The following SNTG2 variants were observed in gnomAD, a reference collection of about 807,000 sequenced individuals.
The protein encoded by SNTG2 is syntrophin gamma 2, also known as gamma-2-syntrophin.
Under a neutral mutation model 70.9 loss-of-function variants are expected in SNTG2, and 74 were observed. The ratio of observed to expected loss-of-function variants is 1.04; its 90% confidence interval spans 0.86 to 1.27. The LOEUF (loss-of-function observed/expected upper bound fraction) is 1.27. SNTG2 is among the 50% of genes most tolerant of loss of function. SNTG2 has a pLI of 0.00. For synonymous variants in SNTG2, 278 were observed against 273.8 expected (o/e 1.02, Z -0.15); for missense variants, 717 against 690.7 (o/e 1.04, Z -0.43).
intron 4 of SNTG2, among the ~76,000 whole-genome samples, chr2:1,110,200 C>T (rs1220430445): frequency 1.3e-5 from 2 of 152,172 alleles, no homozygotes; most frequent in Non-Finnish European, 2.9e-5. Flanking sequence ...ATCCTGTCGT[C>T]GTCTAAAGTC....
At chr2:1,358,380 A>ATT (rs35158260) in intron 16 of SNTG2, among the ~76,000 whole-genome samples, 1,668 of 149,518 alleles carry the variant, frequency 0.011, 22 homozygotes, top group Non-Finnish European at 0.014. Context: ...TCCAATCTTT[A>ATT]TTTTTTTTTT....
chr2:1,061,135 A>G (rs11901776), intron 1 of SNTG2, among the ~76,000 whole-genome samples: 19,297 of 152,236 alleles, frequency 0.13, 1,552 homozygotes, highest in Middle Eastern at 0.2. Context: ...AAGGGTGAAA[A>G]GGTAAGAGAC....
chr2:1,144,247 T>C (rs1409066797), intron 6 of SNTG2, among the ~76,000 whole-genome samples: 1 of 151,886 alleles, frequency 6.6e-6, no homozygotes, highest in African/African-American at 2.4e-5. Context: ...GGTTGCTGAG[T>C]TGACAACGGA....
intron 8 of SNTG2, among the ~76,000 whole-genome samples, chr2:1,200,255 C>T (rs549809972): frequency 6.6e-6 from 1 of 151,820 alleles, no homozygotes; most frequent in African/African-American, 2.4e-5. Flanking sequence ...ATACCAAGAA[C>T]ATACATTGGT....
intron 2 of SNTG2, among the ~76,000 whole-genome samples, chr2:1,086,079 G>A (rs973833523): frequency 1.2e-4 from 18 of 152,190 alleles, no homozygotes; most frequent in African/African-American, 4.3e-4. Context: ...ACAGCAATGG[G>A]CACAGCTCTG....
At chr2:1,095,740 G>A (rs979454970) in intron 2 of SNTG2, among the ~76,000 whole-genome samples, 6 of 152,232 alleles carry the variant, frequency 3.9e-5, no homozygotes, top group Admixed American at 3.3e-4. Context: ...CTCTCGTCTT[G>A]TACTTGCTTG....
Position 1,137,630 on chromosome 2 carries a change from A to T in SNTG2, c.334A>T (p.Thr112Ser), listed in dbSNP as rs1448366837. The change falls in exon 5 of 17, where the codon ACA becomes TCA. Residue 112 changes from threonine to serine, a missense_variant. By Grantham distance (58) the Thr-to-Ser change is moderately conservative (BLOSUM62 1). Transcript: ENST00000308624. ...KIFEDQAADQ[T>S]GMLFVGDAVL... ...CTTTTGCCACCCTGCAGCTGACCAG[A>T]CAGGGATGTTGTTCGTAGGAGATGC... 1 of 1,613,122 alleles carries T rather than the reference A, an allele frequency of 6.2e-7. No individual in the cohort carries two copies. Among genetic ancestry groups the T allele is most frequent in the South Asian group, 1.1e-5 (1 of 90,800 alleles).
intron 1 of SNTG2, among the ~76,000 whole-genome samples, chr2:1,056,091 TC>T (rs1400859298): frequency 6.6e-6 from 1 of 151,830 alleles, no homozygotes; most frequent in Non-Finnish European, 1.5e-5. Context: ...AGGCGGCTCC[TC>T]TGGCTCCCAT....
intron 1 of SNTG2, among the ~76,000 whole-genome samples, chr2:988,446 GCTT>G (rs1661397145): frequency 6.6e-6 from 1 of 152,014 alleles, no homozygotes; most frequent in Admixed American, 6.6e-5. Context: ...ATTTTTTTTG[GCTT>G]CTTTTTTCAG....
intron 11 of SNTG2, among the ~76,000 whole-genome samples, chr2:1,243,331 G>T (rs906209100): frequency 2.0e-5 from 3 of 152,212 alleles, no homozygotes; most frequent in African/African-American, 7.2e-5. Flanking sequence ...GGGAAGGGAG[G>T]TGGGTGTACA....
chr2:1,083,785 C>T (rs904855528), intron 2 of SNTG2, 130 bp downstream of exon 2: 19 of 972,186 alleles, frequency 2.0e-5, no homozygotes, highest in Non-Finnish European at 2.8e-5. Flanking sequence ...TCCCCAACTA[C>T]TGGCTTTCAC....
intron 6 of SNTG2, among the ~76,000 whole-genome samples, chr2:1,147,165 G>A (rs1231917142): frequency 1.3e-5 from 2 of 152,118 alleles, no homozygotes; most frequent in Non-Finnish European, 2.9e-5. Context: ...TATATTTGAG[G>A]ACTATTTTTG....
chr2:1,350,498 G>A lies in SNTG2; in HGVS notation c.1489-16845G>A, dbSNP rs990442278. ...TGTACTAATCTGTATGGTGCTTCTT[G>A]CAGGAGTTTGGCAATTTATAAATCA... On this transcript the variant is annotated intron_variant, in intron 16 of 16. Coordinates refer to ENST00000308624, the MANE Select transcript of SNTG2 (RefSeq NM_018968.4). Among the ~76,000 whole-genome samples the A allele has an allele frequency of 2.0e-5, 3 of 152,178 alleles. No individual in the cohort carries two copies. The South Asian group carries it at 6.2e-4, about 31-fold the overall frequency.
intron 1 of SNTG2, among the ~76,000 whole-genome samples, chr2:1,037,728 C>T (rs548550379): frequency 5.3e-5 from 8 of 152,174 alleles, no homozygotes; most frequent in South Asian, 2.1e-4. Context: ...TCTTCTACTT[C>T]GCATCATGTT....
At chr2:1,015,435 G>C (rs530619126) in intron 1 of SNTG2, among the ~76,000 whole-genome samples, 1 of 152,176 alleles carries the variant, frequency 6.6e-6, no homozygotes, top group Non-Finnish European at 1.5e-5. Flanking sequence ...CTGGAAGGAC[G>C]TGTGTTCTAT....
At position 1,083,644 on chromosome 2, in the gene SNTG2, C is replaced by G. The variant is rs767835189; in HGVS notation, c.199C>G (p.Gln67Glu). 1.9e-6 allele frequency: 3 copies of G among 1,613,652 alleles called. No homozygotes were observed. The highest frequency in any genetic ancestry group is 8.5e-7 in the Non-Finnish European group (1 of 1,179,682). Residue 67 changes from glutamine (Q) to glutamate (E), a missense_variant, in exon 2 of 17, where the codon CAG becomes GAG. Transcript: ENST00000308624. Reference sequence around the variant, plus strand: ...TGTTGTCTGTGTGGGCGGAAGCCACCAGGGCAGGAATGTAAGTGCCATCAC... The same window carrying G: ...TGTTGTCTGTGTGGGCGGAAGCCACGAGGGCAGGAATGTAAGTGCCATCAC... The part of the protein sequence containing the change: ...QDVVCVGGSH[Q>E]GRNRRTVTLR...
At chr2:1,067,559 C>G (rs1476309055) in intron 1 of SNTG2, among the ~76,000 whole-genome samples, 5 of 152,016 alleles carry the variant, frequency 3.3e-5, no homozygotes, top group South Asian at 2.1e-4. Flanking sequence ...TTTTAACCTC[C>G]TTGGTGTTTC....
At chr2:983,589 C>T (rs1661205309) in intron 1 of SNTG2, among the ~76,000 whole-genome samples, 1 of 152,238 alleles carries the variant, frequency 6.6e-6, no homozygotes, top group South Asian at 2.1e-4. Context: ...GTGTTTGCAG[C>T]CTCCAGCCCA....
intron 11 of SNTG2, among the ~76,000 whole-genome samples, chr2:1,244,462 C>T (rs1414385900): frequency 1.1e-4 from 16 of 151,986 alleles, no homozygotes; most frequent in Non-Finnish European, 1.0e-4. Context: ...TTTGGGAGGC[C>T]GAGGCTGGCG....
Sources: gnomAD v4.1 joint callset for allele counts (sites outside exome capture counted in the v4.1 genomes callset) on GRCh38, gnomAD v4.1.1 for gene constraint, MANE v1.5 for transcripts, NCBI Gene and HGNC (gene_info 2026-07-23, HGNC 2026-07-21) for gene names.